The following MDGA2 variants were observed in gnomAD, a reference collection of about 807,000 sequenced individuals.
The protein encoded by MDGA2 is MAM domain-containing glycosylphosphatidylinositol anchor protein 2.
A neutral mutation model predicts 117.8 loss-of-function variants in MDGA2; 40 were observed. That is an observed-to-expected ratio of 0.34 (90% CI 0.26 to 0.44). The LOEUF (loss-of-function observed/expected upper bound fraction) is 0.44, where lower values mean the gene tolerates loss of function less well. Ranked by LOEUF, MDGA2 falls within the 20% of genes least tolerant of loss-of-function variation. MDGA2 has a pLI of 1.00. For synonymous variants in MDGA2, 452 were observed against 439.0 expected, an observed-to-expected ratio of 1.03 and a Z score of -0.37; for missense variants, 1,123 against 1,250.6, an observed-to-expected ratio of 0.90 and a Z score of 1.54.
At chr14:47,539,208 C>A (rs553782977) in intron 1 of MDGA2, among the ~76,000 whole-genome samples, 6 of 152,294 alleles carry the variant, frequency 3.9e-5, no homozygotes, top group African/African-American at 1.4e-4. Context: ...ACAGCCACAG[C>A]AAGAACCTGG....
In MDGA2 at chr14:47,556,003, G is replaced by A. The variant is rs147140292; in HGVS notation, c.280+118514C>T. Among the ~76,000 whole-genome samples, 20 of 152,260 alleles carry A rather than the reference G, an allele frequency of 1.3e-4. No individual in the cohort carries two copies. The East Asian group carries it at 3.5e-3, about 26-fold the overall frequency. On this transcript the variant is annotated intron_variant, in intron 1 of 16. Coordinates refer to ENST00000399232, the MANE Select transcript of MDGA2 (RefSeq NM_001113498.3). ...TTTGCTTAAAAGTTTTGACATTTCT[G>A]AATTTAGGGCCTATCTTGAGCTAGG...
At chr14:46,875,927 G>A (rs549685273) in intron 12 of MDGA2, among the ~76,000 whole-genome samples, 8 of 150,442 alleles carry the variant, frequency 5.3e-5, no homozygotes, top group East Asian at 3.9e-4. Flanking sequence ...CCTTTTTTTC[G>A]TAATTTAAAC....
chr14:47,432,783 C>A (rs1373410604), intron 1 of MDGA2, among the ~76,000 whole-genome samples: 2 of 152,048 alleles, frequency 1.3e-5, no homozygotes, highest in East Asian at 3.9e-4. Context: ...TGAAGGATGA[C>A]ATTTTGGAAA....
At chr14:47,351,734 G>A (rs570873479) in intron 1 of MDGA2, among the ~76,000 whole-genome samples, 2 of 152,032 alleles carry the variant, frequency 1.3e-5, no homozygotes, top group South Asian at 4.1e-4. Context: ...ATTATGATTT[G>A]CTAATGGATA....
intron 1 of MDGA2, among the ~76,000 whole-genome samples, chr14:47,612,928 C>T (rs562609194): frequency 6.6e-6 from 1 of 152,168 alleles, no homozygotes; most frequent in South Asian, 2.1e-4. Context: ...CTAATATTTC[C>T]CCTTCCTCAC....
intron 1 of MDGA2, among the ~76,000 whole-genome samples, chr14:47,644,020 G>C (rs1294560818): frequency 1.3e-5 from 2 of 151,918 alleles, no homozygotes; most frequent in Non-Finnish European, 2.9e-5. Flanking sequence ...TTTTTCCACA[G>C]CCAATTTGAA....
intron 1 of MDGA2, among the ~76,000 whole-genome samples, chr14:47,673,632 A>ATGTGTGTGTGTGTGTGTGTG (rs10528657): frequency 1.9e-4 from 27 of 144,074 alleles, no homozygotes; most frequent in African/African-American, 4.9e-4. Flanking sequence ...TATGACCTGG[A>ATGTGTGTGTGTGTGTGTGTG]TGTGTGTGTG....
chr14:46,962,006 G>T (rs1383450091), intron 8 of MDGA2, among the ~76,000 whole-genome samples: 1 of 152,124 alleles, frequency 6.6e-6, no homozygotes, highest in Non-Finnish European at 1.5e-5. Context: ...TCAAAGTACT[G>T]TCTTCCTGTG....
chr14:47,470,972 T>C lies in MDGA2; in HGVS notation c.281-169422A>G, dbSNP rs144047167. On this transcript the variant is annotated intron_variant, in intron 1 of 16. Transcript: ENST00000399232. ...TTACCAGAAACAGTGGATTCACTTA[T>C]AAGTGTTATCTGAAGGTTGGTGGCA... Among the ~76,000 whole-genome samples, 9 of 152,282 alleles carry C rather than the reference T, an allele frequency of 5.9e-5. No individual in the cohort carries two copies. In the East Asian group the frequency reaches 1.7e-3, roughly 29 times the overall value.
intron 1 of MDGA2, among the ~76,000 whole-genome samples, chr14:47,358,429 G>T (rs1891042614): frequency 6.6e-6 from 1 of 152,172 alleles, no homozygotes; most frequent in African/African-American, 2.4e-5. Flanking sequence ...CCCACCCGTT[G>T]TGCGGGTATC....
At chr14:47,621,039 A>T (rs543599631) in intron 1 of MDGA2, among the ~76,000 whole-genome samples, 44 of 152,288 alleles carry the variant, frequency 2.9e-4, no homozygotes, top group Non-Finnish European at 5.7e-4. Context: ...AAACAGAGCA[A>T]ATCCTTTGAA....
At chr14:47,415,351 A>G (rs373752112) in intron 1 of MDGA2, among the ~76,000 whole-genome samples, 2 of 151,822 alleles carry the variant, frequency 1.3e-5, no homozygotes, top group Non-Finnish European at 2.9e-5. Context: ...TATGTTTTAC[A>G]TATACTTTGG....
chr14:47,057,391 T>G (rs1459347216), intron 7 of MDGA2, among the ~76,000 whole-genome samples: 1 of 152,058 alleles, frequency 6.6e-6, no homozygotes, highest in East Asian at 1.9e-4. Context: ...CAAGGCCTAT[T>G]TGTACTATCA....
chr14:47,468,195 C>G (rs991143799), intron 1 of MDGA2, among the ~76,000 whole-genome samples: 3 of 152,102 alleles, frequency 2.0e-5, no homozygotes, highest in Non-Finnish European at 4.4e-5. Context: ...CTTAGGATAG[C>G]CTCAAACCAA....
At chr14:47,525,737 T>TC (rs1894959486) in intron 1 of MDGA2, among the ~76,000 whole-genome samples, 1 of 151,758 alleles carries the variant, frequency 6.6e-6, no homozygotes, top group South Asian at 2.1e-4. Context: ...AGTTTTTTTT[T>TC]TTTCTCTCTC....
chr14:47,314,429 G>C (rs113780759), intron 1 of MDGA2, among the ~76,000 whole-genome samples: 16 of 152,096 alleles, frequency 1.1e-4, no homozygotes, highest in African/African-American at 3.4e-4. Context: ...CTGTAATCTC[G>C]CACTTTTGGA....
chr14:47,467,690 C>T (rs8016961), intron 1 of MDGA2, among the ~76,000 whole-genome samples: 70,645 of 151,892 alleles, frequency 0.47, 16,642 homozygotes, highest in East Asian at 0.61. Context: ...TCTGTGCCTC[C>T]GTTTCCTTCT....
At chr14:46,858,394 ACTTTTTTTCTTTTCTTTTTCTTTTT>A (rs1352470937) in intron 14 of MDGA2, among the ~76,000 whole-genome samples, 63 of 146,438 alleles carry the variant, frequency 4.3e-4, no homozygotes, top group African/African-American at 1.4e-3. Context: ...CATTTATAAT[ACTTTTTTTCTTTTCTTTTTCTTTTT>A]CTTTTTTTCT....
At chr14:47,165,390 G>A (rs188284638) in intron 3 of MDGA2, among the ~76,000 whole-genome samples, 10 of 152,270 alleles carry the variant, frequency 6.6e-5, no homozygotes, top group South Asian at 4.1e-4. Flanking sequence ...TTGATATCCC[G>A]AAAGTTTGAG....
Sources: gnomAD v4.1 joint callset for allele counts (sites outside exome capture counted in the v4.1 genomes callset) on GRCh38, gnomAD v4.1.1 for gene constraint, MANE v1.5 for transcripts, NCBI Gene and HGNC (gene_info 2026-07-23, HGNC 2026-07-21) for gene names.